The following CRIM1 variants were observed in gnomAD, a reference collection of about 807,000 sequenced individuals.
CRIM1 encodes the protein cysteine rich transmembrane BMP regulator 1.
Under a neutral mutation model 116.4 loss-of-function variants are expected in CRIM1, and 32 were observed. That is an observed-to-expected ratio of 0.27 (90% confidence interval 0.21 to 0.37). The LOEUF is 0.37. Among genes scored for constraint, CRIM1 ranks in the 10% least tolerant of loss-of-function variants. The probability of loss-of-function intolerance (pLI) is 1.00; values close to 1 mark genes in which losing one functional copy is unlikely to be tolerated. For missense variants in CRIM1, 1,331 were observed against 1,354.8 expected (o/e 0.98, Z 0.28); for synonymous variants, 590 against 509.2 (o/e 1.16, Z -2.13).
chr2:36,527,861 T>C (rs1409957840), intron 13 of CRIM1, among the ~76,000 whole-genome samples: 1 of 152,210 alleles, frequency 6.6e-6, no homozygotes, highest in Non-Finnish European at 1.5e-5. Flanking sequence ...GCTTCTCCAG[T>C]GTATTTTCTT....
intron 13 of CRIM1, among the ~76,000 whole-genome samples, chr2:36,524,078 T>A (rs1665590038): frequency 6.6e-6 from 1 of 152,228 alleles, no homozygotes; most frequent in Non-Finnish European, 1.5e-5. Context: ...TATAATTTAT[T>A]CTTCAAACCA....
chr2:36,537,076 T>C (rs1558413868), intron 13 of CRIM1, among the ~76,000 whole-genome samples: 1 of 152,190 alleles, frequency 6.6e-6, no homozygotes. Flanking sequence ...TCTTTATCTC[T>C]TTCTAGATGA....
chr2:36,467,624 T>G (rs1275675697), intron 5 of CRIM1, among the ~76,000 whole-genome samples: 1 of 152,194 alleles, frequency 6.6e-6, no homozygotes, highest in Non-Finnish European at 1.5e-5. Context: ...AAGATAGTGA[T>G]AAAATATTTA....
intron 5 of CRIM1, among the ~76,000 whole-genome samples, chr2:36,474,027 A>C (rs544301192): frequency 1.3e-5 from 2 of 152,216 alleles, no homozygotes; most frequent in Admixed American, 6.5e-5. Context: ...CTATTTTTTA[A>C]TTATATCCAT....
chr2:36,427,912 C>G (rs752368943), intron 2 of CRIM1, among the ~76,000 whole-genome samples: 1 of 152,220 alleles, frequency 6.6e-6, no homozygotes, highest in Non-Finnish European at 1.5e-5. Context: ...CTATCAGCAC[C>G]TGGCTGGTGG....
At chr2:36,524,819 T>A (rs1346021007) in intron 13 of CRIM1, among the ~76,000 whole-genome samples, 1 of 152,240 alleles carries the variant, frequency 6.6e-6, no homozygotes, top group East Asian at 1.9e-4. Context: ...TTTTATTTTT[T>A]ATTTTTTTGC....
chr2:36,388,304 C>T (rs1050602640), intron 1 of CRIM1, among the ~76,000 whole-genome samples: 3 of 152,060 alleles, frequency 2.0e-5, no homozygotes, highest in African/African-American at 4.8e-5. Context: ...CATTAAAAGA[C>T]CTTTGGCTTG....
chr2:36,363,210 A>C (rs1669344802), intron 1 of CRIM1, among the ~76,000 whole-genome samples: 1 of 152,050 alleles, frequency 6.6e-6, no homozygotes, highest in South Asian at 2.1e-4. Context: ...AAAAAAAAAA[A>C]AAAAAAAAGA....
intron 7 of CRIM1, among the ~76,000 whole-genome samples, chr2:36,487,326 C>T (rs1478553963): frequency 6.6e-6 from 1 of 152,114 alleles, no homozygotes; most frequent in Non-Finnish European, 1.5e-5. Context: ...TTTAAACATA[C>T]TAAAATGTAC....
intron 12 of CRIM1, among the ~76,000 whole-genome samples, chr2:36,520,343 G>A (rs143591455): frequency 6.6e-5 from 10 of 152,274 alleles, no homozygotes; most frequent in Middle Eastern, 3.4e-3. Context: ...CTAAGTTAAC[G>A]TAAGTCACAA....
chr2:36,400,122 G>C (rs904375174), intron 2 of CRIM1, among the ~76,000 whole-genome samples: 15 of 151,854 alleles, frequency 9.9e-5, no homozygotes, highest in African/African-American at 3.6e-4. Context: ...TTATATAAGA[G>C]AACTTTATGG....
At chr2:36,414,084 C>T (rs566135517) in intron 2 of CRIM1, among the ~76,000 whole-genome samples, 20 of 152,302 alleles carry the variant, frequency 1.3e-4, no homozygotes, top group African/African-American at 4.8e-4. Flanking sequence ...CCCTAATGCA[C>T]CTTTTTTAAT....
intron 4 of CRIM1, among the ~76,000 whole-genome samples, chr2:36,447,249 T>A (rs956423924): frequency 7.9e-5 from 12 of 152,318 alleles, no homozygotes; most frequent in South Asian, 2.1e-4. Flanking sequence ...ATTTTTTTTT[T>A]ATTGAAAACC....
intron 4 of CRIM1, among the ~76,000 whole-genome samples, chr2:36,456,986 C>A (rs991155374): frequency 2.6e-5 from 4 of 152,154 alleles, no homozygotes; most frequent in African/African-American, 9.7e-5. Flanking sequence ...TGTTCTCCTG[C>A]AGCTTATACC....
intron 13 of CRIM1, among the ~76,000 whole-genome samples, chr2:36,532,385 G>A (rs1014214170): frequency 6.6e-6 from 1 of 152,196 alleles, no homozygotes; most frequent in African/African-American, 2.4e-5. Context: ...GAGAGTGGGA[G>A]GGAGAGATTG....
intron 1 of CRIM1, among the ~76,000 whole-genome samples, chr2:36,390,431 G>A (rs73922900): frequency 0.013 from 2,013 of 152,300 alleles, 46 homozygotes; most frequent in African/African-American, 0.046. Context: ...GGTAGCCCAT[G>A]CTTTGCAGCC....
At chr2:36,406,399 C>A (rs1317523342) in intron 2 of CRIM1, among the ~76,000 whole-genome samples, 1 of 152,092 alleles carries the variant, frequency 6.6e-6, no homozygotes, top group Non-Finnish European at 1.5e-5. Flanking sequence ...AATATATGAC[C>A]TTTGATGGCA....
intron 1 of CRIM1, among the ~76,000 whole-genome samples, chr2:36,363,539 C>A (rs935134763): frequency 6.9e-6 from 1 of 144,714 alleles, no homozygotes; most frequent in African/African-American, 2.5e-5. Context: ...GCCCCCCCCC[C>A]CCATGACTAT....
chr2:36,390,577 TTTTG>T (rs780421556), intron 1 of CRIM1, among the ~76,000 whole-genome samples: 69 of 152,176 alleles, frequency 4.5e-4, no homozygotes, highest in East Asian at 1.5e-3. Context: ...TATGGGGGTT[TTTTG>T]TTTGTTTGTT....
Sources: allele counts gnomAD v4.1 joint callset (sites outside exome capture counted in the v4.1 genomes callset), GRCh38; gene constraint gnomAD v4.1.1; transcripts MANE v1.5; gene names NCBI Gene and HGNC (gene_info 2026-07-23, HGNC 2026-07-21).